ADCY8: variants seen among roughly 807,000 people sequenced by gnomAD.
ADCY8 encodes the protein adenylate cyclase type 8.
ADCY8 carries 51 observed loss-of-function variants against 119.7 expected under a neutral mutation model. That is an observed-to-expected ratio of 0.43 (90% CI 0.34 to 0.54). ADCY8 has a LOEUF of 0.54. Ranked by LOEUF, ADCY8 falls within the 20% of genes least tolerant of loss-of-function variation. ADCY8 has a pLI of 0.03. For synonymous variants in ADCY8, 665 were observed against 651.0 expected, an observed-to-expected ratio of 1.02 and a Z score of -0.33; for missense variants, 1,383 against 1,598.8, an observed-to-expected ratio of 0.87 and a Z score of 2.30.
At chr8:130,849,196 A>T (rs1817431851) in intron 10 of ADCY8, among the ~76,000 whole-genome samples, 1 of 152,176 alleles carries the variant, frequency 6.6e-6, no homozygotes, top group South Asian at 2.1e-4. Context: ...TAAAGTGGGG[A>T]TAATTAAACT....
chr8:130,856,048 T>TTTCCAGCCC (rs1817720538), intron 9 of ADCY8, among the ~76,000 whole-genome samples: 1 of 152,074 alleles, frequency 6.6e-6, no homozygotes, highest in Non-Finnish European at 1.5e-5. Context: ...GAATGCTCTA[T>TTTCCAGCCC]TTCCAGCCCT....
intron 1 of ADCY8, among the ~76,000 whole-genome samples, chr8:131,024,120 G>A (rs1823755003): frequency 6.6e-6 from 1 of 152,134 alleles, no homozygotes; most frequent in East Asian, 1.9e-4. Context: ...AATGGCCCAG[G>A]GCACCATTTG....
chr8:130,810,655 T>C (rs79402411), intron 14 of ADCY8, among the ~76,000 whole-genome samples: 2,297 of 152,350 alleles, frequency 0.015, 62 homozygotes, highest in African/African-American at 0.052. Flanking sequence ...AATGATGTTT[T>C]ATCCTAATGT....
At chr8:130,801,958 T>G (rs1815794968) in intron 14 of ADCY8, among the ~76,000 whole-genome samples, 1 of 147,590 alleles carries the variant, frequency 6.8e-6, no homozygotes, top group South Asian at 2.3e-4. Context: ...TTGCTATGGT[T>G]CTGTCCTTGG....
At chr8:130,829,926 C>T (rs1816778450) in intron 12 of ADCY8, among the ~76,000 whole-genome samples, 1 of 152,202 alleles carries the variant, frequency 6.6e-6, no homozygotes. Context: ...GTAGACAGAA[C>T]CATGCATGAA....
intron 9 of ADCY8, among the ~76,000 whole-genome samples, chr8:130,861,136 C>T (rs1442922112): frequency 6.6e-6 from 1 of 152,106 alleles, no homozygotes; most frequent in Admixed American, 6.6e-5. Flanking sequence ...TAGTATTAAT[C>T]CTCTAGCTTT....
At chr8:130,910,358 A>C (rs1408842303) in intron 5 of ADCY8, among the ~76,000 whole-genome samples, 1 of 152,130 alleles carries the variant, frequency 6.6e-6, no homozygotes, top group Non-Finnish European at 1.5e-5. Context: ...ACTTCATTAC[A>C]CATTCCATTT....
intron 2 of ADCY8, among the ~76,000 whole-genome samples, chr8:130,976,755 A>G (rs1485523999): frequency 2.6e-5 from 4 of 152,228 alleles, no homozygotes; most frequent in Admixed American, 2.0e-4. Context: ...TAAAATTCAA[A>G]TAAGAAGCCC....
chr8:131,015,754 G>A (rs759265592), intron 1 of ADCY8, among the ~76,000 whole-genome samples: 17 of 152,002 alleles, frequency 1.1e-4, no homozygotes, highest in Admixed American at 2.6e-4. Flanking sequence ...TTATATCCAC[G>A]TCTAGGTGTG....
chr8:130,853,128 A>G (rs1817592061), intron 9 of ADCY8, among the ~76,000 whole-genome samples: 1 of 152,204 alleles, frequency 6.6e-6, no homozygotes, highest in South Asian at 2.1e-4. Context: ...CTTGGAGGGC[A>G]GGGCCATTGT....
At chr8:131,000,505 A>G (rs997943929) in intron 1 of ADCY8, among the ~76,000 whole-genome samples, 1 of 152,212 alleles carries the variant, frequency 6.6e-6, no homozygotes, top group African/African-American at 2.4e-5. Context: ...AGTGCCTTGC[A>G]TATTTTAATT....
chr8:130,944,538 C>T (rs549468131), intron 3 of ADCY8, among the ~76,000 whole-genome samples: 4 of 152,228 alleles, frequency 2.6e-5, no homozygotes, highest in South Asian at 2.1e-4. Context: ...TAGAAGACAT[C>T]GTGGAATGTG....
At chr8:130,891,180 C>T (rs1819173808) in intron 7 of ADCY8, among the ~76,000 whole-genome samples, 1 of 152,104 alleles carries the variant, frequency 6.6e-6, no homozygotes, top group Non-Finnish European at 1.5e-5. Context: ...TTGGAAGCCT[C>T]TGTACCTCTA....
intron 14 of ADCY8, among the ~76,000 whole-genome samples, chr8:130,808,810 C>T (rs563515295): frequency 6.6e-6 from 1 of 152,342 alleles, no homozygotes; most frequent in South Asian, 2.1e-4. Context: ...GTAGGTCACA[C>T]AGCTAGTTAG....
intron 7 of ADCY8, among the ~76,000 whole-genome samples, chr8:130,894,931 G>A (rs960788621): frequency 2.6e-5 from 4 of 152,036 alleles, no homozygotes; most frequent in Non-Finnish European, 5.9e-5. Flanking sequence ...TATGAACTGC[G>A]CTGTGTCAAA....
intron 1 of ADCY8, among the ~76,000 whole-genome samples, chr8:131,038,698 T>C (rs369083122): frequency 6.6e-6 from 1 of 152,198 alleles, no homozygotes; most frequent in South Asian, 2.1e-4. Flanking sequence ...TTGCATTCTT[T>C]GCCACCCCCA....
chr8:130,869,192 G>A (rs1818236177), intron 8 of ADCY8, among the ~76,000 whole-genome samples: 1 of 152,114 alleles, frequency 6.6e-6, no homozygotes, highest in Non-Finnish European at 1.5e-5. Flanking sequence ...CAGTATTGAG[G>A]CCTCTGTCCA....
chr8:130,937,591 T>C (rs1173487109), intron 4 of ADCY8, among the ~76,000 whole-genome samples: 1 of 152,160 alleles, frequency 6.6e-6, no homozygotes, highest in Non-Finnish European at 1.5e-5. Flanking sequence ...ATTAACAGCT[T>C]TCATCAGTCT....
At chr8:130,916,834 T>C (rs1820144708) in intron 5 of ADCY8, among the ~76,000 whole-genome samples, 1 of 152,236 alleles carries the variant, frequency 6.6e-6, no homozygotes. Flanking sequence ...TGTTAATAAA[T>C]ATGTGGGTAA....
Sources: allele counts gnomAD v4.1 joint callset (sites outside exome capture counted in the v4.1 genomes callset), GRCh38; gene constraint gnomAD v4.1.1; transcripts MANE v1.5; gene names NCBI Gene and HGNC (gene_info 2026-07-23, HGNC 2026-07-21).